The following DHX57 variants were observed in gnomAD, a reference collection of about 807,000 sequenced individuals.
DHX57 encodes putative ATP-dependent RNA helicase DHX57.
In DHX57, 105 loss-of-function variants were observed where a neutral mutation model predicts 156.2. The observed-to-expected ratio is 0.67, with a 90% confidence interval of 0.57 to 0.79. The LOEUF is 0.79. Among genes scored for constraint, DHX57 ranks in the 30% least tolerant of loss-of-function variants. The pLI, the probability that DHX57 is intolerant of heterozygous loss-of-function variation, is 0.00. For synonymous variants in DHX57, 704 were observed against 595.6 expected (o/e 1.18, Z -2.65); for missense variants, 1,847 against 1,661.9 (o/e 1.11, Z -1.94).
chr2:38,817,886 T>C (rs1296644394), intron 19 of DHX57, among the ~76,000 whole-genome samples: 1 of 151,810 alleles, frequency 6.6e-6, no homozygotes, highest in Non-Finnish European at 1.5e-5. Context: ...TTTGTAGAGA[T>C]GGGGTTTTGC....
intron 1 of DHX57, among the ~76,000 whole-genome samples, chr2:38,874,886 C>T (rs954658676): frequency 5.3e-5 from 8 of 151,980 alleles, no homozygotes; most frequent in African/African-American, 1.9e-4. Context: ...GGTTGTGCAC[C>T]AATAATTACC....
chr2:38,801,749 C>T lies in DHX57; in HGVS notation c.4017+966G>A, dbSNP rs547674291. On this transcript the variant is annotated intron_variant, in intron 23 of 23. Transcript: ENST00000457308. ...AGCTGGGATTACAGACGCCCACTACCACACCTGGTTAATTTTTTAAAATTT... is the reference window on the plus strand; with the variant it reads ...AGCTGGGATTACAGACGCCCACTACTACACCTGGTTAATTTTTTAAAATTT... Among the ~76,000 whole-genome samples, 16 of 152,266 alleles carry T rather than the reference C, an allele frequency of 1.1e-4. No homozygotes were observed. In the East Asian group the frequency reaches 1.5e-3, roughly 15 times the overall value.
rs752153159 is a variant in DHX57 at position 38,856,445 on chromosome 2, TG to T, written c.1603del (p.Gln535SerfsTer31). On this transcript the variant is annotated frameshift_variant, in exon 7 of 24. Coordinates refer to ENST00000457308, the MANE Select transcript of DHX57 (RefSeq NM_198963.3). LOFTEE classifies it high-confidence loss of function. ...TGATTGCCTCTCTTGCAGAATGGAC[TG>T]GAACTGTCTGGAAGCCTAATAAAAT... ...FRMKQASRQF[Q>X]SILQERQSLP... 4 of 1,609,990 alleles carry T rather than the reference TG, an allele frequency of 2.5e-6. No homozygotes were observed. The African/African-American group carries it at 5.4e-5, about 22-fold the overall frequency.
intron 2 of DHX57, among the ~76,000 whole-genome samples, chr2:38,864,816 C>G (rs866145587): frequency 2.6e-5 from 4 of 152,154 alleles, no homozygotes; most frequent in South Asian, 2.1e-4. Context: ...TCTCCATTTT[C>G]TTTCCTCTTC....
At chr2:38,862,487 A>C in intron 3 of DHX57, 154 bp from the exon 4 acceptor site, 1 of 709,330 alleles carries the variant, frequency 1.4e-6, no homozygotes, top group Non-Finnish European at 2.0e-6. Context: ...ATATCTTGGC[A>C]ATTAACATTT....
intron 13 of DHX57, among the ~76,000 whole-genome samples, chr2:38,829,282 TA>T (rs1243291841): frequency 1.9e-4 from 17 of 87,290 alleles, no homozygotes; most frequent in Non-Finnish European, 3.9e-4. Context: ...GTACACTGGC[TA>T]TTTTTTTTTT....
At chr2:38,823,349 A>T in intron 16 of DHX57, 80 bp from the exon 17 acceptor site, 2 of 1,349,362 alleles carry the variant, frequency 1.5e-6, no homozygotes, top group Non-Finnish European at 2.0e-6. Context: ...TTTGTGAGTG[A>T]TAATAATTTA....
intron 14 of DHX57, among the ~76,000 whole-genome samples, chr2:38,827,575 C>A (rs1327131703): frequency 7.1e-6 from 1 of 140,280 alleles, no homozygotes; most frequent in Non-Finnish European, 1.5e-5. Flanking sequence ...CACACACATA[C>A]ATACACACAC....
At chr2:38,863,613 G>A in intron 2 of DHX57, 94 bp from the exon 3 acceptor site, 1 of 1,115,714 alleles carries the variant, frequency 9.0e-7, no homozygotes, top group South Asian at 1.8e-5. Context: ...AATACAAACT[G>A]GATTGTCAAG....
chr2:38,868,456 G>A (rs372993108), intron 1 of DHX57, 45 bp from the exon 2 acceptor site: 29 of 1,573,304 alleles, frequency 1.8e-5, no homozygotes, highest in Non-Finnish European at 2.3e-5. Context: ...AACCAGACAT[G>A]TATGATAATC....
rs565541138 is a variant in DHX57 at position 38,798,503 on chromosome 2, G to C, written c.4018-61C>G. 1.3e-5 allele frequency: 19 copies of C among 1,510,716 alleles called. No individual in the cohort carries two copies. In the African/African-American group the frequency reaches 2.5e-4, roughly 20 times the overall value. 93.6% of individuals were successfully genotyped at this position (1,510,716 alleles called of 1,614,324 possible). A position where few individuals can be genotyped will look rare whatever the true frequency, so the allele number is the denominator to read the frequency against. ...GGAACAGGCAGGATAGGTTATTGGAGGGAAATACCCAAGTTATGATTACCA... is the reference window on the plus strand; with the variant it reads ...GGAACAGGCAGGATAGGTTATTGGACGGAAATACCCAAGTTATGATTACCA... On this transcript the variant is annotated intron_variant, in intron 23 of 23. Transcript: ENST00000457308.
intron 12 of DHX57, 137 bp from the exon 13 acceptor site, chr2:38,838,084 T>G: frequency 1.6e-6 from 1 of 641,776 alleles, no homozygotes; most frequent in African/African-American, 1.8e-5. Flanking sequence ...ACATTTAATG[T>G]ACTGAAATGA....
intron 9 of DHX57, among the ~76,000 whole-genome samples, chr2:38,850,105 A>G (rs567485858): frequency 3.3e-4 from 50 of 152,246 alleles, no homozygotes; most frequent in Non-Finnish European, 6.5e-4. Context: ...TCATTGACTT[A>G]CTAAATGAAT....
chr2:38,826,387 G>C, intron 15 of DHX57, 129 bp downstream of exon 15: 1 of 1,082,134 alleles, frequency 9.2e-7, no homozygotes, highest in Non-Finnish European at 1.3e-6. Context: ...ACACATCCAC[G>C]TACAGTTTTC....
chr2:38,854,407 A>C (rs1299821794), intron 8 of DHX57: 3 of 353,844 alleles, frequency 8.5e-6, no homozygotes, highest in Non-Finnish European at 1.6e-5. Flanking sequence ...AAAACAGTGA[A>C]TAATGAAAAC....
At chr2:38,858,001 G>A (rs981115009) in intron 6 of DHX57, among the ~76,000 whole-genome samples, 11 of 152,218 alleles carry the variant, frequency 7.2e-5, no homozygotes, top group Non-Finnish European at 4.4e-5. Flanking sequence ...CCAAGTAGCT[G>A]AGACTACAGG....
chr2:38,818,833 T>C, intron 19 of DHX57, 44 bp downstream of exon 19: 1 of 1,600,610 alleles, frequency 6.2e-7, no homozygotes, highest in Non-Finnish European at 8.6e-7. Context: ...TCTGGTGAGC[T>C]ACTCTAATAA....
intron 13 of DHX57, among the ~76,000 whole-genome samples, chr2:38,835,304 A>G (rs544938520): frequency 6.6e-6 from 1 of 152,316 alleles, no homozygotes; most frequent in African/African-American, 2.4e-5. Context: ...CTTTTGTGCA[A>G]ATGTAGTTGG....
chr2:38,829,283 A>T (rs1208047691), intron 13 of DHX57, among the ~76,000 whole-genome samples: 13 of 134,916 alleles, frequency 9.6e-5, no homozygotes, highest in Admixed American at 2.3e-4. Context: ...TACACTGGCT[A>T]TTTTTTTTTT....
Sources: allele counts gnomAD v4.1 joint callset (sites outside exome capture counted in the v4.1 genomes callset), GRCh38; gene constraint gnomAD v4.1.1; transcripts MANE v1.5; gene names NCBI Gene and HGNC (gene_info 2026-07-23, HGNC 2026-07-21).